Variants in ROR1 observed in about 807,000 individuals in gnomAD.
ROR1 encodes ROR family WNT receptor 1.
In ROR1, 19 loss-of-function variants were observed where a neutral mutation model predicts 78.8. That is an observed-to-expected ratio of 0.24 (90% CI 0.17 to 0.35). The LOEUF is 0.35. Among genes scored for constraint, ROR1 ranks in the 10% least tolerant of loss-of-function variants. ROR1 has a pLI of 1.00. For missense variants in ROR1, 917 were observed against 1,177.8 expected (o/e 0.78, Z 3.24); for synonymous variants, 386 against 433.6 (o/e 0.89, Z 1.36).
Position 64,163,222 on chromosome 1 carries a change from A to AACACACACACACACAC in ROR1, c.1386+4060_1386+4075dup, listed in dbSNP as rs57880828. Among the ~76,000 whole-genome samples, 99 of 137,756 alleles carry AACACACACACACACAC rather than the reference A, an allele frequency of 7.2e-4. 1 individual carries two copies. Among genetic ancestry groups the AACACACACACACACAC allele is most frequent in the African/African-American group, 2.6e-3 (94 of 36,314 alleles). The allele number at this position is 137,756 out of a possible 152,430, so 90.4% of individuals were successfully genotyped here. On this transcript the variant is annotated intron_variant, in intron 8 of 8. Coordinates refer to ENST00000371079, the MANE Select transcript of ROR1 (RefSeq NM_005012.4). ...AACATGGGGAAACCCCATCTCTACA[A>AACACACACACACACAC]ACACACACACACACACACACACACA...
intron 1 of ROR1, among the ~76,000 whole-genome samples, chr1:63,963,571 A>AAAAAC (rs1646049809): frequency 6.6e-6 from 1 of 150,978 alleles, no homozygotes; most frequent in Non-Finnish European, 1.5e-5. Context: ...TCTGTCTCAA[A>AAAAAC]AAAACAAAAC....
chr1:64,027,904 T>A (rs1403247549), intron 2 of ROR1, among the ~76,000 whole-genome samples: 1 of 152,120 alleles, frequency 6.6e-6, no homozygotes, highest in Non-Finnish European at 1.5e-5. Context: ...GCCAGGATAG[T>A]CTTGATCTCC....
At chr1:63,866,179 G>T (rs572142552) in intron 1 of ROR1, among the ~76,000 whole-genome samples, 4 of 152,084 alleles carry the variant, frequency 2.6e-5, no homozygotes, top group African/African-American at 7.2e-5. Flanking sequence ...AAGCCAAAAT[G>T]TTAAATTGAT....
intron 1 of ROR1, among the ~76,000 whole-genome samples, chr1:63,951,459 AG>A (rs1038223228): frequency 8.5e-5 from 13 of 152,248 alleles, no homozygotes; most frequent in South Asian, 2.1e-4. Flanking sequence ...AGGGTAAAAG[AG>A]GGGGGCTGGG....
intron 1 of ROR1, among the ~76,000 whole-genome samples, chr1:63,822,689 T>C (rs1380738958): frequency 1.3e-5 from 2 of 152,220 alleles, no homozygotes; most frequent in African/African-American, 4.8e-5. Flanking sequence ...TACACTGTTC[T>C]CAAATCATCA....
intron 1 of ROR1, among the ~76,000 whole-genome samples, chr1:63,850,481 C>T (rs538089186): frequency 6.6e-6 from 1 of 152,358 alleles, no homozygotes; most frequent in African/African-American, 2.4e-5. Flanking sequence ...CTCCTTCCTA[C>T]AGGATATAAG....
At chr1:63,787,484 G>T (rs12758575) in intron 1 of ROR1, among the ~76,000 whole-genome samples, 2,600 of 54,330 alleles carry the variant, frequency 0.048, 47 homozygotes, top group African/African-American at 0.091. Flanking sequence ...CTTCCTTCCT[G>T]CCTTCCTGCC....
intron 4 of ROR1, among the ~76,000 whole-genome samples, chr1:64,081,731 G>A (rs56381905): frequency 0.16 from 22,200 of 139,646 alleles, 1,769 homozygotes; most frequent in Middle Eastern, 0.23. Flanking sequence ...TGATTGCACC[G>A]TTGCACTCCA....
At chr1:64,019,868 G>A (rs1646550075) in intron 2 of ROR1, among the ~76,000 whole-genome samples, 1 of 152,158 alleles carries the variant, frequency 6.6e-6, no homozygotes, top group South Asian at 2.1e-4. Flanking sequence ...AAGGGGTTTT[G>A]CACATGTAAT....
At chr1:63,994,718 C>T (rs1197605171) in intron 1 of ROR1, among the ~76,000 whole-genome samples, 3 of 152,182 alleles carry the variant, frequency 2.0e-5, no homozygotes, top group Non-Finnish European at 4.4e-5. Context: ...CAGCAAATTC[C>T]CCCAAATACC....
At chr1:64,150,810 A>G (rs1410408887) in intron 7 of ROR1, among the ~76,000 whole-genome samples, 2 of 152,236 alleles carry the variant, frequency 1.3e-5, no homozygotes, top group East Asian at 3.8e-4. Flanking sequence ...GTCATGTTCC[A>G]TGAACATTTT....
At chr1:64,042,697 CTGA>C (rs1646754225) in intron 2 of ROR1, among the ~76,000 whole-genome samples, 2 of 152,172 alleles carry the variant, frequency 1.3e-5, no homozygotes, top group Non-Finnish European at 2.9e-5. Context: ...CTATTTTCGG[CTGA>C]TTTTATTAAA....
chr1:64,004,003 T>C (rs563723961), intron 1 of ROR1, among the ~76,000 whole-genome samples: 46 of 152,378 alleles, frequency 3.0e-4, no homozygotes, highest in African/African-American at 1.1e-3. Context: ...CCCTGGCTGC[T>C]TGGAAATTCC....
intron 1 of ROR1, among the ~76,000 whole-genome samples, chr1:63,825,373 A>T (rs1260004958): frequency 1.3e-5 from 2 of 152,250 alleles, no homozygotes; most frequent in Admixed American, 6.5e-5. Flanking sequence ...AAGAGAGGCT[A>T]CCACATGGAT....
chr1:64,072,911 G>GT (rs1647019551), intron 4 of ROR1, among the ~76,000 whole-genome samples: 1 of 152,124 alleles, frequency 6.6e-6, no homozygotes, highest in South Asian at 2.1e-4. Flanking sequence ...TGGGAGCCTG[G>GT]TTTTTCCCAA....
intron 2 of ROR1, among the ~76,000 whole-genome samples, chr1:64,015,036 C>T (rs1174597382): frequency 3.3e-5 from 5 of 151,670 alleles, no homozygotes; most frequent in Non-Finnish European, 7.4e-5. Context: ...GAGGAGGCCT[C>T]ACAATCATAG....
rs1644603957 is a variant in ROR1 at position 63,774,852 on chromosome 1, G to A, written c.91+344G>A. On this transcript the variant is annotated intron_variant, in intron 1 of 8. Coordinates refer to ENST00000371079, the MANE Select transcript of ROR1 (RefSeq NM_005012.4). This position sits in a 1 kb window ranked among gnomAD's most constrained non-coding sequence, Gnocchi z 5.7. The stretch of plus-strand genomic sequence containing the variant: ...GCAGGGCGTCCCCCCTTGTCTCCCT[G>A]GACCTCTAGCGCGCCCCAGCCGGTG... Among the ~76,000 whole-genome samples the A allele has an allele frequency of 3.3e-5, 5 of 152,216 alleles. No homozygotes were observed. The South Asian group carries it at 1.0e-3, about 32-fold the overall frequency.
chr1:63,816,568 G>A (rs547904481), intron 1 of ROR1, among the ~76,000 whole-genome samples: 5 of 152,156 alleles, frequency 3.3e-5, no homozygotes, highest in Non-Finnish European at 1.5e-5. Context: ...CCCAGTCTCG[G>A]GTGTGTCTTT....
chr1:63,957,177 T>A (rs1018394099), intron 1 of ROR1, among the ~76,000 whole-genome samples: 1 of 152,224 alleles, frequency 6.6e-6, no homozygotes, highest in Non-Finnish European at 1.5e-5. Flanking sequence ...CATCGGCTCC[T>A]TCTGCATTTT....
Sources: gnomAD v4.1 joint callset for allele counts (sites outside exome capture counted in the v4.1 genomes callset) on GRCh38, gnomAD v4.1.1 for gene constraint, Gnocchi (gnomAD v3.1) non-coding constraint, MANE v1.5 for transcripts, NCBI Gene and HGNC (gene_info 2026-07-23, HGNC 2026-07-21) for gene names.